XPO5: variants seen among roughly 807,000 people sequenced by gnomAD.
The protein encoded by XPO5 is exportin 5, also known as exportin-5.
In XPO5, 46 loss-of-function variants were observed where a neutral mutation model predicts 160.6. That is an observed-to-expected ratio of 0.29 (90% CI 0.23 to 0.37). XPO5 has a LOEUF of 0.37. Among genes scored for constraint, XPO5 ranks in the 10% least tolerant of loss-of-function variants. The pLI, the probability that XPO5 is intolerant of heterozygous loss-of-function variation, is 1.00. For missense variants in XPO5, 1,090 were observed against 1,463.9 expected (o/e 0.74, Z 4.17); for synonymous variants, 537 against 519.3 (o/e 1.03, Z -0.46).
intron 8 of XPO5, 118 bp from the exon 9 acceptor site, chr6:43,562,464 A>G: frequency 1.3e-6 from 1 of 777,918 alleles, no homozygotes; most frequent in East Asian, 2.7e-5. Flanking sequence ...GCAGAATTCC[A>G]ATAGCTTTGC....
chr6:43,572,489 A>C lies in XPO5; in HGVS notation c.300+17T>G. On this transcript the variant is annotated intron_variant, in intron 3 of 31. Transcript: ENST00000265351. ...AAACTACCTTGGAAACATGTCTCCCAACCACCCATTCCTTACATTTGCAAT... is the reference window on the plus strand; with the variant it reads ...AAACTACCTTGGAAACATGTCTCCCCACCACCCATTCCTTACATTTGCAAT... 6.2e-7 allele frequency: 1 copy of C among 1,613,592 alleles called. No homozygotes were observed. Among genetic ancestry groups the C allele is most frequent in the Non-Finnish European group, 8.5e-7 (1 of 1,179,612 alleles).
chr6:43,540,261 C>G (rs903145510), intron 20 of XPO5, among the ~76,000 whole-genome samples: 1 of 152,132 alleles, frequency 6.6e-6, no homozygotes, highest in Non-Finnish European at 1.5e-5. Flanking sequence ...GGGCGGATCA[C>G]GAGGTCAGGA....
At chr6:43,562,868 A>G (rs1554136228) in intron 8 of XPO5, among the ~76,000 whole-genome samples, 1 of 152,170 alleles carries the variant, frequency 6.6e-6, no homozygotes, top group Non-Finnish European at 1.5e-5. Flanking sequence ...TACCCAAAAA[A>G]CGTTATTCAT....
At chr6:43,544,115 T>A (rs1007406106) in intron 20 of XPO5, 1 of 152,796 alleles carries the variant, frequency 6.5e-6, no homozygotes, top group Non-Finnish European at 1.5e-5. Context: ...AGCACTGAAC[T>A]CTTAGAAAAG....
intron 14 of XPO5, among the ~76,000 whole-genome samples, chr6:43,552,963 T>C (rs1322513292): frequency 1.3e-5 from 2 of 152,132 alleles, no homozygotes; most frequent in Non-Finnish European, 2.9e-5. Flanking sequence ...CTATTTAGCC[T>C]CTCTAAATCT....
rs757382507 is a variant in XPO5 at position 43,531,552 on chromosome 6, G to A, written c.2467C>T (p.Leu823Phe). 8 of 1,613,834 alleles carry A rather than the reference G, an allele frequency of 5.0e-6. No individual in the cohort carries two copies. Among genetic ancestry groups the A allele is most frequent in the Non-Finnish European group, 5.9e-6 (7 of 1,179,854 alleles). Residue 823 changes from leucine to phenylalanine, a missense_variant, in exon 22 of 32, where the codon CTC (leucine) becomes TTC (phenylalanine). Leu to Phe is a conservative substitution (Grantham distance 22). Coordinates refer to ENST00000265351, the MANE Select transcript of XPO5 (RefSeq NM_020750.3). ...GTTTTGAAGACAGGAGAGTCATTGAGTTCCAAGAGAGGTTGAGGTAATCCT... is the reference window on the plus strand; with the variant it reads ...GTTTTGAAGACAGGAGAGTCATTGAATTCCAAGAGAGGTTGAGGTAATCCT... The part of the protein sequence containing the change: ...ILGLPQPLLE[L>F]NDSPVFKTVL...
chr6:43,525,164 T>C lies in XPO5; in HGVS notation c.3117A>G (p.Lys1039=). 1 of 1,585,680 alleles carries C rather than the reference T, an allele frequency of 6.3e-7. No homozygotes were observed. Among genetic ancestry groups the C allele is most frequent in the Non-Finnish European group, 8.6e-7 (1 of 1,165,224 alleles). ...TTGTCCTCTGGCAGGACAGAGTATC[T>C]TTCCAGGCCAGGGAATTGAAGGCTG... is the stretch of plus-strand genomic sequence containing the variant. The part of the protein sequence containing the change: ...LITAFNSLAW[K]DTLSCQRTTS... The change falls in exon 29 of 32, where the codon AAA becomes AAG. Residue 1039 remains lysine, a synonymous_variant. Coordinates refer to ENST00000265351, the MANE Select transcript of XPO5 (RefSeq NM_020750.3).
intron 14 of XPO5, among the ~76,000 whole-genome samples, chr6:43,552,913 C>A (rs960847023): frequency 6.6e-6 from 1 of 152,244 alleles, no homozygotes; most frequent in East Asian, 1.9e-4. Flanking sequence ...GAGTTTTGGT[C>A]CCCATTTTGC....
At chr6:43,530,600 C>T in intron 23 of XPO5, 88 bp downstream of exon 23, 2 of 1,461,102 alleles carry the variant, frequency 1.4e-6, no homozygotes, top group Non-Finnish European at 9.3e-7. Flanking sequence ...TCCAGTTCTG[C>T]CTCTTCCCTC....
At chr6:43,566,111 G>A (rs1187314640) in intron 7 of XPO5, among the ~76,000 whole-genome samples, 3 of 152,002 alleles carry the variant, frequency 2.0e-5, no homozygotes, top group African/African-American at 7.3e-5. Context: ...ACAAAAATTA[G>A]GCCAGGTGCC....
chr6:43,560,355 C>G, intron 10 of XPO5, 52 bp from the exon 11 acceptor site: 1 of 1,526,188 alleles, frequency 6.6e-7, no homozygotes, highest in East Asian at 2.3e-5. Flanking sequence ...CTATATAACC[C>G]AGATTATTAC....
chr6:43,546,573 T>C lies in XPO5; in HGVS notation c.2340A>G (p.Ile780Met). ...GAAAAGCCATTATTCTGACTCACCT[T>C]ATAAGCGCAAGCAAATTGTCAAGAA... ...LKLLDNLLALIRTHNTLYAPE... is the reference protein window; with the variant it reads ...LKLLDNLLALMRTHNTLYAPE... Residue 780 changes from isoleucine (I) to methionine (M), a missense_variant and splice_region_variant, in exon 20 of 32, where the codon ATA becomes ATG. Ile to Met is a conservative substitution (Grantham distance 10). Coordinates refer to ENST00000265351, the MANE Select transcript of XPO5 (RefSeq NM_020750.3). The C allele has an allele frequency of 6.2e-7, 1 of 1,606,858 alleles. No homozygotes were observed.
chr6:43,528,338 C>T, intron 24 of XPO5, 133 bp from the exon 25 acceptor site: 1 of 806,162 alleles, frequency 1.2e-6, no homozygotes, highest in East Asian at 2.7e-5. Flanking sequence ...CTTCTGTAGA[C>T]TCCACACCAC....
intron 20 of XPO5, chr6:43,539,722 A>G: frequency 1.6e-6 from 1 of 635,192 alleles, no homozygotes; most frequent in South Asian, 1.9e-5. Flanking sequence ...TTCTCGGAGA[A>G]GAAGCTACAT....
intron 31 of XPO5, among the ~76,000 whole-genome samples, chr6:43,524,224 T>A (rs1793387323): frequency 6.6e-6 from 1 of 152,006 alleles, no homozygotes; most frequent in Admixed American, 6.6e-5. Context: ...TGGTGGTGCA[T>A]GCCTGTAATC....
chr6:43,545,909 G>A (rs979124069), intron 20 of XPO5, among the ~76,000 whole-genome samples: 1 of 152,066 alleles, frequency 6.6e-6, no homozygotes, highest in Non-Finnish European at 1.5e-5. Context: ...CTAAAACAGT[G>A]ATTCTGAATG....
At chr6:43,563,851 G>C (rs755983380) in intron 8 of XPO5, among the ~76,000 whole-genome samples, 3 of 152,160 alleles carry the variant, frequency 2.0e-5, no homozygotes, top group Non-Finnish European at 2.9e-5. Context: ...AGTGGTGAGT[G>C]AATGTGGAAG....
At chr6:43,539,598 G>T in intron 20 of XPO5, 2 of 1,381,698 alleles carry the variant, frequency 1.4e-6, no homozygotes, top group Non-Finnish European at 2.0e-6. Flanking sequence ...CTGCGACCCC[G>T]GCCCCGGATG....
rs1328260478 is a variant in XPO5 at position 43,522,749 on chromosome 6, T to C, written c.*1119A>G. On this transcript the variant is annotated 3_prime_UTR_variant, in exon 32 of 32. Transcript: ENST00000265351. ...GACTGGATGGACAACAGGTCTGTTT[T>C]TGTGCAGAGCACATGGACACACTGG... 1 of 494,734 alleles carries C rather than the reference T, an allele frequency of 2.0e-6. No homozygotes were observed. Among genetic ancestry groups the C allele is most frequent in the South Asian group, 1.5e-5 (1 of 66,628 alleles). 30.6% of individuals were successfully genotyped at this position (494,734 alleles called of 1,614,324 possible).
Sources: gnomAD v4.1 joint callset for allele counts (sites outside exome capture counted in the v4.1 genomes callset) on GRCh38, gnomAD v4.1.1 for gene constraint, MANE v1.5 for transcripts, NCBI Gene and HGNC (gene_info 2026-07-23, HGNC 2026-07-21) for gene names.